The following ZNF33B variants were observed in gnomAD, a reference collection of about 807,000 sequenced individuals.
The protein encoded by ZNF33B is zinc finger protein 11b (KOX 2).
ZNF33B carries 29 observed loss-of-function variants against 45.8 expected under a neutral mutation model. The observed-to-expected ratio is 0.63, with a 90% CI of 0.47 to 0.86. The LOEUF (loss-of-function observed/expected upper bound fraction) is 0.86, where lower values mean the gene tolerates loss of function less well. Among genes scored for constraint, ZNF33B ranks in the 40% least tolerant of loss-of-function variants. ZNF33B has a pLI of 0.00. For missense variants in ZNF33B, 831 were observed against 909.9 expected, an observed-to-expected ratio of 0.91 and a Z score of 1.12; for synonymous variants, 305 against 307.8, an observed-to-expected ratio of 0.99 and a Z score of 0.10.
Position 42,607,700 on chromosome 10 carries a change from T to C in ZNF33B, c.251-13001A>G, listed in dbSNP as rs536296448. Among the ~76,000 whole-genome samples the C allele has an allele frequency of 9.8e-5, 15 of 152,292 alleles. No homozygotes were observed. In the East Asian group the frequency reaches 2.5e-3, roughly 25 times the overall value. ...ATAATAGTCAAATTAGTTGAAAATA[T>C]TGTTTTTCCACTTAAAATGGGAACA... is the stretch of plus-strand genomic sequence containing the variant. On this transcript the variant is annotated intron_variant, in intron 4 of 4. Transcript: ENST00000359467.
At chr10:42,635,809 CA>C (rs35517157) in intron 2 of ZNF33B, among the ~76,000 whole-genome samples, 388 of 102,782 alleles carry the variant, frequency 3.8e-3, no homozygotes, top group Middle Eastern at 0.018. Context: ...ACTCTGTATC[CA>C]AAAAAAAAAA....
At chr10:42,594,720 T>A in intron 4 of ZNF33B, 21 bp from the exon 5 acceptor site, 1 of 1,530,076 alleles carries the variant, frequency 6.5e-7, no homozygotes, top group Non-Finnish European at 8.7e-7. Flanking sequence ...ACAAAATTAA[T>A]CTTACCATAT....
At chr10:42,579,281 G>A (rs1264465116) in intron 1 of ZNF33B, among the ~76,000 whole-genome samples, 1 of 152,178 alleles carries the variant, frequency 6.6e-6, no homozygotes, top group Non-Finnish European at 1.5e-5. Flanking sequence ...TGATGCTGAG[G>A]CTTGGGGAAC....
rs1836999954 is a variant in ZNF33B at position 42,589,152 on chromosome 10, T to C, written c.*3461A>G. On this transcript the variant is annotated 3_prime_UTR_variant, in exon 5 of 5. Coordinates refer to ENST00000359467, the MANE Select transcript of ZNF33B (RefSeq NM_006955.3). ...ATTTATTTACTTAATACACTTCATT[T>C]TTTAGAGCAGCTTTAGGGTTACAGA... 1 of 210,248 alleles carries C rather than the reference T, an allele frequency of 4.8e-6. No homozygotes were observed. The highest frequency in any genetic ancestry group is 8.3e-6 in the Non-Finnish European group (1 of 121,102). The allele number at this position is 210,248 out of a possible 1,614,324, so 13.0% of individuals were successfully genotyped here.
Position 42,612,243 on chromosome 10 carries a change from T to TC in ZNF33B, c.251-17545_251-17544insG, listed in dbSNP as rs1208853254. On this transcript the variant is annotated intron_variant, in intron 4 of 4. Transcript: ENST00000359467. ...AGGTTACAGAAGTTGATTTTTTTTT[T>TC]TTTTTTTTTTGAGACAGAGTCTTGC... Among the ~76,000 whole-genome samples the TC allele has an allele frequency of 8.4e-4, 126 of 149,378 alleles. 1 individual carries two copies. The Middle Eastern group carries it at 0.024, about 28-fold the overall frequency.
chr10:42,607,600 C>T lies in ZNF33B; in HGVS notation c.251-12901G>A, dbSNP rs181915893. The stretch of plus-strand genomic sequence containing the variant: ...AAAGGAATAGAGTATCAAAAAAGCA[C>T]GAGACCGAAAACAAAAATGGCAGAG... On this transcript the variant is annotated intron_variant, in intron 4 of 4. Transcript: ENST00000359467. Among the ~76,000 whole-genome samples, 45 of 152,186 alleles carry T rather than the reference C, an allele frequency of 3.0e-4. 1 individual carries two copies. Among genetic ancestry groups the T allele is most frequent in the African/African-American group, 8.7e-4 (36 of 41,534 alleles).
At chr10:42,575,711 A>AATATATAT (rs141485546) in intron 1 of ZNF33B, among the ~76,000 whole-genome samples, 13 of 143,556 alleles carry the variant, frequency 9.1e-5, no homozygotes, top group South Asian at 2.3e-4. Context: ...ACTGCATAAT[A>AATATATAT]ATATATATAT....
chr10:42,583,706 T>G (rs1228474461), intron 1 of ZNF33B, among the ~76,000 whole-genome samples: 1 of 152,158 alleles, frequency 6.6e-6, no homozygotes, highest in Non-Finnish European at 1.5e-5. Context: ...GTGGCATCCA[T>G]TCACGGGCCA....
chr10:42,624,053 G>A (rs1349612203), intron 4 of ZNF33B, among the ~76,000 whole-genome samples: 3 of 152,186 alleles, frequency 2.0e-5, no homozygotes, highest in Non-Finnish European at 4.4e-5. Context: ...CATGGCCAGG[G>A]CCTGGTGAGG....
Position 42,631,820 on chromosome 10 carries a change from C to T in ZNF33B, c.250+109G>A, listed in dbSNP as rs559614684. On this transcript the variant is annotated intron_variant, in intron 4 of 4. Coordinates refer to ENST00000359467, the MANE Select transcript of ZNF33B (RefSeq NM_006955.3). ...CTCCATCACTTCCAGAGGTTAGGAC[C>T]CCTATGGAGATGTTCTTGAAAAATG... 5.8e-6 allele frequency: 5 copies of T among 867,596 alleles called. No homozygotes were observed. The Admixed American group carries it at 9.0e-5, about 16-fold the overall frequency. 53.7% of individuals were successfully genotyped at this position (867,596 alleles called of 1,614,324 possible).
At chr10:42,606,049 G>A (rs374456459) in intron 4 of ZNF33B, among the ~76,000 whole-genome samples, 8 of 150,944 alleles carry the variant, frequency 5.3e-5, no homozygotes, top group African/African-American at 1.2e-4. Flanking sequence ...AATGAGCTGC[G>A]ATTCTACCAC....
chr10:42,587,203 G>GTTTT (rs757970817), downstream of ZNF33B, among the ~76,000 whole-genome samples: 1 of 151,430 alleles, frequency 6.6e-6, no homozygotes, highest in East Asian at 1.9e-4. Flanking sequence ...CTTGCTTTTT[G>GTTTT]TTTTGTTTTG....
Position 42,594,639 on chromosome 10 carries a change from C to A in ZNF33B, c.311G>T (p.Trp104Leu), listed in dbSNP as rs751034014. The A allele has an allele frequency of 1.9e-6, 3 of 1,606,896 alleles. No individual in the cohort carries two copies. The Admixed American group carries it at 5.1e-5, about 27-fold the overall frequency. Residue 104 changes from tryptophan (W) to leucine (L), a missense_variant, in exon 5 of 5, where the codon TGG becomes TTG. Coordinates refer to ENST00000359467, the MANE Select transcript of ZNF33B (RefSeq NM_006955.3). ...TTCATTATTGATGAATACAACTTCC[C>A]ACAAATGTTTAGATTGATTTTCTTG... ...RSQENQSKHL[W>L]EVVFINNEML...
chr10:42,630,195 A>G (rs371207524), intron 4 of ZNF33B, among the ~76,000 whole-genome samples: 2,585 of 152,252 alleles, frequency 0.017, 78 homozygotes, highest in African/African-American at 0.059. Flanking sequence ...TAGCTTCCCT[A>G]TCTAATAATG....
chr10:42,586,382 C>G (rs1185766419), downstream of ZNF33B, among the ~76,000 whole-genome samples: 1 of 152,094 alleles, frequency 6.6e-6, no homozygotes, highest in East Asian at 1.9e-4. Flanking sequence ...ATCTCCTGAC[C>G]TCATGATCTG....
intron 1 of ZNF33B, among the ~76,000 whole-genome samples, chr10:42,637,985 T>C (rs562030028): frequency 7.9e-5 from 12 of 152,148 alleles, no homozygotes; most frequent in Non-Finnish European, 1.5e-4. Flanking sequence ...CCTTCCTGAG[T>C]GCAAGATCAA....
In ZNF33B at chr10:42,632,226, G is replaced by T. The variant is rs1220864534; in HGVS notation, c.154+69C>A. 5.1e-6 allele frequency: 8 copies of T among 1,560,758 alleles called. No individual in the cohort carries two copies. The East Asian group carries it at 1.8e-4, about 35-fold the overall frequency. ...CTAAATAATGTCATTAAACTAGACA[G>T]ACTGCCTATATGTTTTATAATCAAA... On this transcript the variant is annotated intron_variant, in intron 3 of 4. Coordinates refer to ENST00000359467, the MANE Select transcript of ZNF33B (RefSeq NM_006955.3).
intron 4 of ZNF33B, among the ~76,000 whole-genome samples, chr10:42,625,287 T>TGC (rs1452349915): frequency 5.9e-5 from 9 of 152,100 alleles, no homozygotes; most frequent in African/African-American, 2.2e-4. Flanking sequence ...AGCACAAAGG[T>TGC]CCTATACATA....
At chr10:42,601,984 C>T in intron 4 of ZNF33B, among the ~76,000 whole-genome samples, 1 of 134,628 alleles carries the variant, frequency 7.4e-6, no homozygotes, top group South Asian at 2.4e-4. Context: ...GAGGTGCAAT[C>T]TTGGCTCACT....
Sources: gnomAD v4.1 joint callset for allele counts (sites outside exome capture counted in the v4.1 genomes callset) on GRCh38, gnomAD v4.1.1 for gene constraint, MANE v1.5 for transcripts, NCBI Gene and HGNC (gene_info 2026-07-23, HGNC 2026-07-21) for gene names.